Variants in PTPRQ observed in about 807,000 individuals in gnomAD.
The protein encoded by PTPRQ is protein tyrosine phosphatase receptor type Q.
Under a neutral mutation model 246.0 loss-of-function variants are expected in PTPRQ, and 199 were observed. The observed-to-expected ratio is 0.81, with a 90% CI of 0.72 to 0.91. PTPRQ has a LOEUF of 0.91. Among genes scored for constraint, PTPRQ ranks in the 40% least tolerant of loss-of-function variants. PTPRQ has a pLI of 0.00. For synonymous variants in PTPRQ, 869 were observed against 853.2 expected (o/e 1.02, Z -0.32); for missense variants, 2,624 against 2,528.4 (o/e 1.04, Z -0.81).
chr12:80,487,789 TA>T lies in PTPRQ; in HGVS notation c.1359+3185del, dbSNP rs571238848. Among the ~76,000 whole-genome samples, 445 of 152,260 alleles carry T rather than the reference TA, an allele frequency of 2.9e-3. 3 individuals are homozygous for T. Among genetic ancestry groups the T allele is most frequent in the African/African-American group, 0.01 (434 of 41,570 alleles). ...CTTGCCTGGACTACTGTTATCTCACTATATTAGTTTTCCATTGTTCCATAAC... is the reference window on the plus strand; with the variant it reads ...CTTGCCTGGACTACTGTTATCTCACTTATTAGTTTTCCATTGTTCCATAAC... On this transcript the variant is annotated intron_variant, in intron 9 of 44. Coordinates refer to ENST00000644991, the MANE Select transcript of PTPRQ (RefSeq NM_001145026.2).
intron 3 of PTPRQ, among the ~76,000 whole-genome samples, chr12:80,455,402 T>A (rs888255181): frequency 2.6e-5 from 4 of 152,224 alleles, no homozygotes; most frequent in Non-Finnish European, 4.4e-5. Context: ...AACTTATAGT[T>A]AGCTTTTCAT....
intron 23 of PTPRQ, among the ~76,000 whole-genome samples, chr12:80,543,778 T>A (rs1896224458): frequency 6.6e-6 from 1 of 152,114 alleles, no homozygotes; most frequent in South Asian, 2.1e-4. Context: ...ACTTTAAAAC[T>A]TGATAGTCTG....
intron 33 of PTPRQ, among the ~76,000 whole-genome samples, chr12:80,631,098 T>C (rs1056381510): frequency 6.6e-6 from 1 of 152,202 alleles, no homozygotes; most frequent in Admixed American, 6.5e-5. Context: ...TCTCCTTAAC[T>C]AGGGCTATTT....
chr12:80,621,890 A>C (rs560481249), intron 32 of PTPRQ, among the ~76,000 whole-genome samples, 171 bp from the exon 33 acceptor site: 1 of 152,228 alleles, frequency 6.6e-6, no homozygotes, highest in East Asian at 1.9e-4. Flanking sequence ...TATTTGTCTC[A>C]TATAAATATA....
At chr12:80,446,442 A>T (rs974477655) in intron 3 of PTPRQ, among the ~76,000 whole-genome samples, 17 of 151,722 alleles carry the variant, frequency 1.1e-4, no homozygotes, top group South Asian at 6.2e-4. Flanking sequence ...TCTTTTTTTT[A>T]AATTATTTTT....
chr12:80,610,882 CTTAT>C (rs1488913832), intron 28 of PTPRQ, among the ~76,000 whole-genome samples: 2 of 150,400 alleles, frequency 1.3e-5, no homozygotes, highest in Non-Finnish European at 3.0e-5. Flanking sequence ...TTTCTTTGCA[CTTAT>C]TTAATCTGCT....
At chr12:80,648,004 TC>T (rs756817276) in intron 35 of PTPRQ, among the ~76,000 whole-genome samples, 1 of 152,144 alleles carries the variant, frequency 6.6e-6, no homozygotes, top group Non-Finnish European at 1.5e-5. Context: ...TCCTTTTAAA[TC>T]CTGTTTTCTT....
intron 10 of PTPRQ, 68 bp from the exon 11 acceptor site, chr12:80,494,865 G>GA: frequency 2.1e-6 from 3 of 1,462,676 alleles, no homozygotes; most frequent in Non-Finnish European, 1.8e-6. Context: ...TATAGTCTAA[G>GA]AAAAAAATAA....
In PTPRQ at chr12:80,605,552, C is replaced by T. The variant is rs549218001; in HGVS notation, c.4731+372C>T. Among the ~76,000 whole-genome samples the T allele has an allele frequency of 9.2e-4, 139 of 150,826 alleles. 1 individual carries two copies. The highest frequency in any genetic ancestry group is 3.7e-3 in the South Asian group (18 of 4,800). ...TAATACAAATATCTGGTTTACAGTA[C>T]GGTAGAAAGTAATTCATAATACAAA... is the stretch of plus-strand genomic sequence containing the variant. On this transcript the variant is annotated intron_variant, in intron 27 of 44. Coordinates refer to ENST00000644991, the MANE Select transcript of PTPRQ (RefSeq NM_001145026.2).
At chr12:80,615,333 C>G (rs1898711567) in intron 29 of PTPRQ, among the ~76,000 whole-genome samples, 1 of 150,826 alleles carries the variant, frequency 6.6e-6, no homozygotes, top group Non-Finnish European at 1.5e-5. Flanking sequence ...TTAAAAGTAT[C>G]TAGAGTGTGG....
intron 3 of PTPRQ, among the ~76,000 whole-genome samples, chr12:80,452,387 G>T (rs1170750037): frequency 6.6e-6 from 1 of 152,162 alleles, no homozygotes; most frequent in African/African-American, 2.4e-5. Flanking sequence ...ATTGTTATGT[G>T]TGAATTTGAT....
At chr12:80,616,082 TA>T (rs1344139316) in intron 29 of PTPRQ, 117 bp from the exon 30 acceptor site, 20 of 435,988 alleles carry the variant, frequency 4.6e-5, no homozygotes, top group African/African-American at 6.1e-5. Flanking sequence ...ATCAGTTTTA[TA>T]TATATATATA....
At chr12:80,494,166 ACTT>A (rs1351981100) in intron 10 of PTPRQ, among the ~76,000 whole-genome samples, 1 of 152,020 alleles carries the variant, frequency 6.6e-6, no homozygotes. Flanking sequence ...TTTATATTTC[ACTT>A]ACTGATCCAT....
chr12:80,610,955 C>G (rs1898528123), intron 28 of PTPRQ, among the ~76,000 whole-genome samples: 1 of 150,294 alleles, frequency 6.7e-6, no homozygotes, highest in Admixed American at 6.7e-5. Flanking sequence ...CTGTCTATAT[C>G]CAATAACACT....
At chr12:80,498,467 C>T (rs1894696041) in intron 14 of PTPRQ, among the ~76,000 whole-genome samples, 3 of 152,008 alleles carry the variant, frequency 2.0e-5, no homozygotes, top group Non-Finnish European at 2.9e-5. Context: ...GATTTCCTTC[C>T]CTCCTTAAGT....
At chr12:80,598,272 ATAGGAAATATTTCCTACACTGACAGTGGT>A (rs1201862754) in intron 26 of PTPRQ, among the ~76,000 whole-genome samples, 1 of 151,990 alleles carries the variant, frequency 6.6e-6, no homozygotes, top group East Asian at 1.9e-4. Flanking sequence ...TCATAAAATG[ATAGGAAATATTTCCTACACTGACAGTGGT>A]GATGCGTTTT....
At chr12:80,471,646 T>G (rs1893640561) in intron 7 of PTPRQ, among the ~76,000 whole-genome samples, 1 of 143,206 alleles carries the variant, frequency 7.0e-6, no homozygotes, top group Non-Finnish European at 1.5e-5. Context: ...CCCGGCTAAT[T>G]TTTTGTATTT....
rs77691377 is a variant in PTPRQ at position 80,537,389 on chromosome 12, T to C, written c.2985+2352T>C. ...AGAATATGTCATGCATGGCATATCA[T>C]GTTCTGCCTCCTATTACCGATAACT... On this transcript the variant is annotated intron_variant, in intron 19 of 44. Coordinates refer to ENST00000644991, the MANE Select transcript of PTPRQ (RefSeq NM_001145026.2). 7.4e-3 allele frequency among the ~76,000 whole-genome samples: 1,133 copies of C among 152,304 alleles called. 13 individuals carry two copies. The highest frequency in any genetic ancestry group is 0.026 in the African/African-American group (1,078 of 41,580).
chr12:80,660,691 G>A (rs1045295536), intron 39 of PTPRQ, among the ~76,000 whole-genome samples: 4 of 151,916 alleles, frequency 2.6e-5, no homozygotes, highest in African/African-American at 4.8e-5. Flanking sequence ...AGGCTATCAT[G>A]CAAATGGTTG....
Sources: gnomAD v4.1 joint callset for allele counts (sites outside exome capture counted in the v4.1 genomes callset) on GRCh38, gnomAD v4.1.1 for gene constraint, MANE v1.5 for transcripts, NCBI Gene and HGNC (gene_info 2026-07-23, HGNC 2026-07-21) for gene names.